NLRP1: variants seen among roughly 807,000 people sequenced by gnomAD.
The protein encoded by NLRP1 is NLR family pyrin domain containing 1, also known as NACHT, LRR and PYD domains-containing protein 1.
In NLRP1, 94 loss-of-function variants were observed where a neutral mutation model predicts 136.7. The observed-to-expected ratio is 0.69, with a 90% CI of 0.58 to 0.82. The LOEUF (loss-of-function observed/expected upper bound fraction) is 0.82, where lower values mean the gene tolerates loss of function less well. Ranked by LOEUF, NLRP1 falls within the 40% of genes least tolerant of loss-of-function variation. NLRP1 has a pLI of 0.00. For missense variants in NLRP1, 1,575 were observed against 1,802.7 expected, an observed-to-expected ratio of 0.87 and a Z score of 2.29; for synonymous variants, 690 against 725.1, an observed-to-expected ratio of 0.95 and a Z score of 0.78.
At chr17:5,528,867 C>T (rs1334568732) in intron 12 of NLRP1, among the ~76,000 whole-genome samples, 1 of 152,234 alleles carries the variant, frequency 6.6e-6, no homozygotes, top group South Asian at 2.1e-4. Flanking sequence ...TATTAAAAAC[C>T]CATTTAATAT....
At chr17:5,508,007 G>A (rs1174912661) in intron 15 of NLRP1, among the ~76,000 whole-genome samples, 2 of 152,120 alleles carry the variant, frequency 1.3e-5, no homozygotes, top group Non-Finnish European at 2.9e-5. Context: ...GGTGGCGCAC[G>A]CCTGTAATCC....
At chr17:5,528,860 T>G (rs1007220405) in intron 12 of NLRP1, among the ~76,000 whole-genome samples, 2 of 152,210 alleles carry the variant, frequency 1.3e-5, no homozygotes, top group Non-Finnish European at 2.9e-5. Context: ...GAAAAAATAT[T>G]AAAAACCCAT....
chr17:5,532,636 T>C (rs1910452847), intron 11 of NLRP1, among the ~76,000 whole-genome samples, 186 bp downstream of exon 11: 1 of 152,228 alleles, frequency 6.6e-6, no homozygotes, highest in Non-Finnish European at 1.5e-5. Flanking sequence ...AAAACATCTT[T>C]TTCCATATGA....
At chr17:5,536,128 C>A (rs73342918) in intron 8 of NLRP1, among the ~76,000 whole-genome samples, 18,480 of 151,974 alleles carry the variant, frequency 0.12, 1,380 homozygotes, top group African/African-American at 0.2. Flanking sequence ...CTGGCTCACC[C>A]ACCCACTGAC....
At chr17:5,517,938 T>C in intron 14 of NLRP1, 51 bp from the exon 15 acceptor site, 1 of 1,600,426 alleles carries the variant, frequency 6.2e-7, no homozygotes, top group Non-Finnish European at 8.5e-7. Flanking sequence ...GCATGGAAGG[T>C]CTTTCCCCAC....
chr17:5,521,475 GTTTAC>G, intron 13 of NLRP1, 44 bp downstream of exon 13: 1 of 1,580,692 alleles, frequency 6.3e-7, no homozygotes, highest in Non-Finnish European at 8.6e-7. Context: ...TGCATTTTGT[GTTTAC>G]CGTCAACCCA....
At chr17:5,530,071 T>A (rs1422659091) in intron 12 of NLRP1, 1 of 458,002 alleles carries the variant, frequency 2.2e-6, no homozygotes, top group Non-Finnish European at 4.4e-6. Flanking sequence ...GTAGGAGTAG[T>A]GATGGCTTCC....
In NLRP1 at chr17:5,559,191, C is replaced by G; in HGVS notation, c.1505G>C (p.Arg502Thr). 1 of 1,614,202 alleles carries G rather than the reference C, an allele frequency of 6.2e-7. No homozygotes were observed. Among genetic ancestry groups the G allele is most frequent in the South Asian group, 1.1e-5 (1 of 91,078 alleles). ...GTTTGATTTGACCAACCTAAAGGCT[C>G]TAATTGCTTGCCTTTCATCTGTGAA... ...RYFTDERQAIRAFRLVKSNKE... is the reference protein window; with the variant it reads ...RYFTDERQAITAFRLVKSNKE... Residue 502 changes from arginine to threonine, a missense_variant, in exon 4 of 17, where the codon AGA becomes ACA. Transcript: ENST00000572272.
intron 8 of NLRP1, among the ~76,000 whole-genome samples, chr17:5,534,368 C>CAAACA (rs1482671595): frequency 1.3e-5 from 2 of 152,096 alleles, no homozygotes; most frequent in Admixed American, 6.5e-5. Flanking sequence ...GACCCTGTCT[C>CAAACA]AAACAAAACA....
rs201664446 is a variant in NLRP1, at chr17:5,583,179, ACAG to A, written c.272-336_272-334del. ...CCCAGGGTGGCTAATAGTAATAATA[ACAG>A]CAGCAGCAGCAGCAGCAACAACAGC... On this transcript the variant is annotated intron_variant, in intron 1 of 16. Coordinates refer to ENST00000572272, the MANE Select transcript of NLRP1 (RefSeq NM_033004.4). This position sits in a 1 kb window ranked among gnomAD's most constrained non-coding sequence, Gnocchi z 4.5. Among the ~76,000 whole-genome samples, 6 of 152,148 alleles carry A rather than the reference ACAG, an allele frequency of 3.9e-5. No individual in the cohort carries two copies. The highest frequency in any genetic ancestry group is 4.1e-4 in the South Asian group (2 of 4,820).
chr17:5,508,916 T>A (rs1907489394), intron 15 of NLRP1, among the ~76,000 whole-genome samples: 1 of 152,210 alleles, frequency 6.6e-6, no homozygotes, highest in South Asian at 2.1e-4. Context: ...GCACCATGGT[T>A]ATATTAGTTT....
At chr17:5,572,711 GAAA>G (rs35389652) in intron 3 of NLRP1, among the ~76,000 whole-genome samples, 1 of 113,734 alleles carries the variant, frequency 8.8e-6, no homozygotes, top group Non-Finnish European at 1.8e-5. Flanking sequence ...CTTTGTCTCA[GAAA>G]AAAAAAAAAA....
chr17:5,549,304 G>T (rs374404659), intron 5 of NLRP1, among the ~76,000 whole-genome samples: 2 of 150,740 alleles, frequency 1.3e-5, no homozygotes, highest in African/African-American at 2.4e-5. Context: ...TTTTCAACAG[G>T]GTCTCCCTTT....
chr17:5,577,729 T>C (rs534686256), intron 3 of NLRP1, among the ~76,000 whole-genome samples: 2,704 of 152,272 alleles, frequency 0.018, 74 homozygotes, highest in African/African-American at 0.062. Flanking sequence ...AAGCTACCAA[T>C]GACTTTCTTC....
At chr17:5,501,847 G>A in exon 16 of NLRP1, 4 of 1,613,988 alleles carry the variant, frequency 2.5e-6, no homozygotes, top group Non-Finnish European at 3.4e-6. Flanking sequence ...TGCACCTGAG[G>A]TTCCACGGCT....
At chr17:5,518,940 G>A (rs1446807761) in intron 14 of NLRP1, among the ~76,000 whole-genome samples, 1 of 149,856 alleles carries the variant, frequency 6.7e-6, no homozygotes, top group East Asian at 2.0e-4. Flanking sequence ...CCAGGTTCAA[G>A]CAATTCTCCT....
chr17:5,570,190 TAGA>T (rs1302279686), intron 3 of NLRP1, among the ~76,000 whole-genome samples: 1 of 151,540 alleles, frequency 6.6e-6, no homozygotes, highest in Admixed American at 6.6e-5. Context: ...ACATCACAAA[TAGA>T]AGAATTAGAA....
intron 12 of NLRP1, among the ~76,000 whole-genome samples, chr17:5,522,585 C>T (rs1909036265): frequency 6.6e-6 from 1 of 152,202 alleles, no homozygotes; most frequent in Admixed American, 6.5e-5. Context: ...GGCTAAGACA[C>T]CCAGCATGGG....
chr17:5,580,462 AT>A (rs1311482339), intron 3 of NLRP1, among the ~76,000 whole-genome samples: 2 of 152,172 alleles, frequency 1.3e-5, no homozygotes. Context: ...TATTTGAAGA[AT>A]TCCCTTAGAA....
Sources: gnomAD v4.1 joint callset for allele counts (sites outside exome capture counted in the v4.1 genomes callset) on GRCh38, gnomAD v4.1.1 for gene constraint, Gnocchi (gnomAD v3.1) non-coding constraint, MANE v1.5 for transcripts, NCBI Gene and HGNC (gene_info 2026-07-23, HGNC 2026-07-21) for gene names.